Variants in SPTAN1 observed in about 807,000 individuals in gnomAD.
The protein encoded by SPTAN1 is spectrin alpha chain, non-erythrocytic 1.
In SPTAN1, 61 loss-of-function variants were observed where a neutral mutation model predicts 331.3. That is an observed-to-expected ratio of 0.18 (90% CI 0.15 to 0.23). The LOEUF (loss-of-function observed/expected upper bound fraction) is 0.23, where lower values mean the gene tolerates loss of function less well. Ranked by LOEUF, SPTAN1 falls within the 10% of genes least tolerant of loss-of-function variation. The pLI is 1.00. For missense variants in SPTAN1, 2,043 were observed against 3,147.9 expected (o/e 0.65, Z 8.40); for synonymous variants, 1,153 against 1,173.9 (o/e 0.98, Z 0.36).
chr9:128,593,203 G>T (rs566633513), intron 23 of SPTAN1, 161 bp downstream of exon 23: 2 of 763,064 alleles, frequency 2.6e-6, no homozygotes, highest in Non-Finnish European at 4.6e-6. Flanking sequence ...GGAAGAGGTC[G>T]CGGTGCAGCT....
rs933341241 is a variant in SPTAN1 at position 128,629,031 on chromosome 9, G to A, written c.6707+1089G>A. ...CGGGCACCAGGTTGCCCTTGCCTGC[G>A]CCCTGCCAGCTTGGGCTTTGTGTGT... On this transcript the variant is annotated intron_variant, in intron 51 of 56. Transcript: ENST00000372739. The surrounding 1 kb of genome is among the most constrained non-coding windows in gnomAD (Gnocchi z 4.9). The A allele has an allele frequency of 6.0e-5, 24 of 397,490 alleles. No individual in the cohort carries two copies. The highest frequency in any genetic ancestry group is 7.5e-5 in the Non-Finnish European group (17 of 225,506). The allele number at this position is 397,490 out of a possible 1,614,324, so 24.6% of individuals were successfully genotyped here.
chr9:128,585,834 C>T lies in SPTAN1; in HGVS notation c.2647C>T (p.Arg883Trp), dbSNP rs770641858. 2.8e-5 allele frequency: 45 copies of T among 1,614,062 alleles called. No individual in the cohort carries two copies. The highest frequency in any genetic ancestry group is 3.7e-5 in the Non-Finnish European group (44 of 1,180,038). The change falls in exon 19 of 57, where the codon CGG becomes TGG. Residue 883 changes from arginine to tryptophan, a missense_variant. Physicochemically the swap from Arg to Trp is moderately radical, Grantham distance 101. Transcript: ENST00000372739. ...EALKAKASQR[R>W]QDLEDSLQAQ... is the part of the protein sequence containing the mutation. ...ACTGAAAGCCAAAGCTTCCCAGCGTCGGCAGGACCTGGAGGACTCTCTGCA... is the reference window on the plus strand; with the variant it reads ...ACTGAAAGCCAAAGCTTCCCAGCGTTGGCAGGACCTGGAGGACTCTCTGCA...
chr9:128,587,475 A>G, intron 19 of SPTAN1, 131 bp from the exon 20 acceptor site: 1 of 746,262 alleles, frequency 1.3e-6, no homozygotes, highest in South Asian at 1.4e-5. Flanking sequence ...GCACTGTAAG[A>G]AGGGCAGGAG....
chr9:128,563,686 C>T (rs528243910), intron 1 of SPTAN1, among the ~76,000 whole-genome samples: 2 of 151,820 alleles, frequency 1.3e-5, no homozygotes, highest in East Asian at 3.9e-4. Flanking sequence ...CAACATTCAG[C>T]ATGGACTTGA....
chr9:128,603,720 G>C, intron 28 of SPTAN1, 130 bp downstream of exon 28: 1 of 1,167,432 alleles, frequency 8.6e-7, no homozygotes, highest in Admixed American at 1.7e-5. Context: ...TTGGGTCCAA[G>C]CATGTCCTAA....
At chr9:128,580,350 G>A (rs1851795565) in intron 10 of SPTAN1, among the ~76,000 whole-genome samples, 1 of 150,196 alleles carries the variant, frequency 6.7e-6, no homozygotes, top group East Asian at 1.9e-4. Context: ...TTTTTTATAT[G>A]TGTATATATA....
chr9:128,608,534 C>T (rs1026615093), intron 34 of SPTAN1, among the ~76,000 whole-genome samples: 8 of 152,110 alleles, frequency 5.3e-5, no homozygotes, highest in Non-Finnish European at 8.8e-5. Flanking sequence ...GAACAAACAA[C>T]AAGGAAGATG....
Position 128,627,346 on chromosome 9 carries a change from C to G in SPTAN1, c.6577-40C>G. ...TGTGAAGGAGGGGCTGGTGTCACTG[C>G]CACAGCAGCGCACAGCATCTGCCCC... On this transcript the variant is annotated intron_variant, in intron 49 of 56. Coordinates refer to ENST00000372739, the MANE Select transcript of SPTAN1 (RefSeq NM_001130438.3). The surrounding 1 kb of genome is among the most constrained non-coding windows in gnomAD (Gnocchi z 4.9). The G allele has an allele frequency of 6.5e-7, 1 of 1,528,928 alleles. No homozygotes were observed. Among genetic ancestry groups the G allele is most frequent in the Admixed American group, 2.0e-5 (1 of 50,940 alleles). The allele number at this position is 1,528,928 out of a possible 1,614,324, so 94.7% of individuals were successfully genotyped here.
chr9:128,560,885 G>C (rs746222854), intron 1 of SPTAN1, among the ~76,000 whole-genome samples: 1 of 151,578 alleles, frequency 6.6e-6, no homozygotes, highest in African/African-American at 2.4e-5. Flanking sequence ...GTGTGGTGGC[G>C]GGTGCCTGTA....
chr9:128,552,842 C>G lies in SPTAN1; in HGVS notation c.-4+146C>G, dbSNP rs1848281144. ...GGGCCGCGGGGCTGCCTCCATTCGG[C>G]TGAGTGGGGGAAGCCGCTGCCGCTG... On this transcript the variant is annotated intron_variant, in intron 1 of 56. Transcript: ENST00000372739. This position sits in a 1 kb window ranked among gnomAD's most constrained non-coding sequence, Gnocchi z 4.6. 6.6e-6 allele frequency: 1 copy of G among 152,212 alleles called. No homozygotes were observed. The highest frequency in any genetic ancestry group is 2.1e-4 in the South Asian group (1 of 4,836). The allele number at this position is 152,212 out of a possible 1,614,324, so 9.4% of individuals were successfully genotyped here. A position where few individuals can be genotyped will look rare whatever the true frequency, so the allele number is the denominator to read the frequency against.
intron 18 of SPTAN1, 24 bp from the exon 19 acceptor site, chr9:128,585,724 C>T (rs377241159): frequency 2.5e-6 from 4 of 1,601,038 alleles, no homozygotes; most frequent in Non-Finnish European, 3.4e-6. Context: ...TTTTTGTTAT[C>T]CTCTTTCCCT....
chr9:128,628,407 G>C, intron 51 of SPTAN1: 1 of 352,434 alleles, frequency 2.8e-6, no homozygotes, highest in African/African-American at 2.1e-5. Context: ...GCTGGGCACT[G>C]ACACCCCCTA....
At position 128,626,558 on chromosome 9, in the gene SPTAN1, G is replaced by T; in HGVS notation, c.6447G>T (p.Gln2149His). ...DAFRSSLSSA[Q>H]ADFNQLAELD... ...TCCGCTCCTCCCTCAGCTCTGCCCAGGCTGACTTCAACCAGCTGGCCGAGC... is the reference window on the plus strand; with the variant it reads ...TCCGCTCCTCCCTCAGCTCTGCCCATGCTGACTTCAACCAGCTGGCCGAGC... Residue 2149 changes from glutamine (Q) to histidine (H), a missense_variant, in exon 49 of 57, where the codon CAG (glutamine) becomes CAT (histidine). Transcript: ENST00000372739. The T allele has an allele frequency of 6.2e-7, 1 of 1,614,134 alleles. No homozygotes were observed. Among genetic ancestry groups the T allele is most frequent in the Admixed American group, 1.7e-5 (1 of 60,018 alleles).
rs993919049 is a variant in SPTAN1 at position 128,629,794 on chromosome 9, C to T, written c.6708-527C>T. On this transcript the variant is annotated intron_variant, in intron 51 of 56. Coordinates refer to ENST00000372739, the MANE Select transcript of SPTAN1 (RefSeq NM_001130438.3). The surrounding 1 kb of genome is among the most constrained non-coding windows in gnomAD (Gnocchi z 4.9). ...TTTGGCACAGTTGGTCGTGATCTCC[C>T]AGCACTCCACTTGTGTCCTTTGTCT... The T allele has an allele frequency of 7.9e-6, 2 of 252,964 alleles. No homozygotes were observed. The highest frequency in any genetic ancestry group is 1.6e-5 in the Non-Finnish European group (2 of 126,750). The allele number at this position is 252,964 out of a possible 1,614,324, so 15.7% of individuals were successfully genotyped here.
intron 43 of SPTAN1, 65 bp from the exon 44 acceptor site, chr9:128,618,806 G>A (rs1857500711): frequency 6.2e-7 from 1 of 1,612,558 alleles, no homozygotes; most frequent in Non-Finnish European, 8.5e-7. Context: ...TTAAGCATAT[G>A]TTAACTATCA....
At chr9:128,603,650 C>T in intron 28 of SPTAN1, 60 bp downstream of exon 28, 1 of 1,586,364 alleles carries the variant, frequency 6.3e-7, no homozygotes, top group Non-Finnish European at 8.7e-7. Flanking sequence ...TCTTCCTTCC[C>T]TGTCTACAGC....
intron 22 of SPTAN1, among the ~76,000 whole-genome samples, chr9:128,592,762 C>CG (rs1564247760): frequency 1.3e-5 from 2 of 152,168 alleles, no homozygotes. Flanking sequence ...ATGGCAGACC[C>CG]GCCAGGAAAA....
intron 19 of SPTAN1, 76 bp downstream of exon 19, chr9:128,586,041 G>A: frequency 8.1e-7 from 1 of 1,237,340 alleles, no homozygotes; most frequent in Non-Finnish European, 1.2e-6. Context: ...GTTAGGAGAA[G>A]TAGTGATGCG....
Position 128,598,479 on chromosome 9 carries a change from A to C in SPTAN1, c.3494A>C (p.Glu1165Ala). ...CTGGAGTCTGAAGGTCTCATGGCAG[A>C]GGAGGTGCAGGCTGTGCAACAACAG... ...EDLESEGLMA[E>A]EVQAVQQQEV... The change falls in exon 25 of 57, where the codon GAG becomes GCG. Residue 1165 changes from glutamate to alanine, a missense_variant. By Grantham distance (107) the Glu-to-Ala change is moderately radical. Transcript: ENST00000372739. 1 of 1,611,236 alleles carries C rather than the reference A, an allele frequency of 6.2e-7. No homozygotes were observed. The highest frequency in any genetic ancestry group is 8.5e-7 in the Non-Finnish European group (1 of 1,178,862).
Sources: gnomAD v4.1 joint callset for allele counts (sites outside exome capture counted in the v4.1 genomes callset) on GRCh38, gnomAD v4.1.1 for gene constraint, Gnocchi (gnomAD v3.1) non-coding constraint, MANE v1.5 for transcripts, NCBI Gene and HGNC (gene_info 2026-07-23, HGNC 2026-07-21) for gene names.